Variants in VPS37A observed in about 807,000 individuals in gnomAD.
VPS37A encodes the protein vacuolar protein sorting-associated protein 37A.
Under a neutral mutation model 49.8 loss-of-function variants are expected in VPS37A, and 30 were observed. The ratio of observed to expected loss-of-function variants is 0.60; its 90% CI spans 0.45 to 0.82. VPS37A has a LOEUF of 0.82. Ranked by LOEUF, VPS37A falls within the 40% of genes least tolerant of loss-of-function variation. The pLI is 0.00. For synonymous variants in VPS37A, 195 were observed against 160.6 expected, an observed-to-expected ratio of 1.21 and a Z score of -1.62; for missense variants, 593 against 464.4, an observed-to-expected ratio of 1.28 and a Z score of -2.55.
the VPS37A span, among the ~76,000 whole-genome samples, chr8:17,322,287 G>A: frequency 5.9e-5 from 9 of 152,188 alleles, no homozygotes; most frequent in South Asian, 2.1e-4. Context: ...CTGTACGAGC[G>A]AAGTGTTTAG....
chr8:17,303,235 CCAACTGGTCATATCTCAA>C (rs1431898747), downstream of VPS37A, among the ~76,000 whole-genome samples: 3 of 152,124 alleles, frequency 2.0e-5, no homozygotes, highest in Non-Finnish European at 4.4e-5. Context: ...TAGTTGCAAT[CCAACTGGTCATATCTCAA>C]CAGCTCTTAA....
At chr8:17,267,312 G>C (rs1813560431) in intron 2 of VPS37A, among the ~76,000 whole-genome samples, 1 of 152,132 alleles carries the variant, frequency 6.6e-6, no homozygotes, top group Non-Finnish European at 1.5e-5. Context: ...ATAGTTGTCT[G>C]AACCATCAGG....
chr8:17,284,693 G>T, intron 10 of VPS37A, 77 bp downstream of exon 10: 1 of 1,458,960 alleles, frequency 6.9e-7, no homozygotes, highest in Non-Finnish European at 9.2e-7. Flanking sequence ...AGCACTGGGT[G>T]TTAGCTATTT....
intron 1 of VPS37A, among the ~76,000 whole-genome samples, chr8:17,251,601 G>C (rs992521382): frequency 6.6e-6 from 1 of 152,094 alleles, no homozygotes; most frequent in Non-Finnish European, 1.5e-5. Context: ...AACTACTTCT[G>C]ACTTTCCATT....
the VPS37A span, among the ~76,000 whole-genome samples, chr8:17,314,145 T>C: frequency 6.6e-6 from 1 of 152,192 alleles, no homozygotes; most frequent in Non-Finnish European, 1.5e-5. Flanking sequence ...ACGTAAAGCA[T>C]TAAAAAGCTT....
At chr8:17,254,398 G>A (rs879682811) in intron 1 of VPS37A, among the ~76,000 whole-genome samples, 2 of 152,152 alleles carry the variant, frequency 1.3e-5, no homozygotes, top group Non-Finnish European at 2.9e-5. Flanking sequence ...CCAGCAACAA[G>A]CTGGAAACAA....
At chr8:17,298,818 A>G (rs1449076769), downstream of VPS37A, 1 of 152,510 alleles carries the variant, frequency 6.6e-6, no homozygotes, top group Admixed American at 6.5e-5. Flanking sequence ...GTGTAACAAA[A>G]CAAAAATTCT....
intron 4 of VPS37A, chr8:17,271,853 T>C: frequency 2.5e-6 from 1 of 397,164 alleles, no homozygotes; most frequent in South Asian, 1.9e-5. Flanking sequence ...GGTTTGAACT[T>C]TGCTTTTAGA....
Position 17,247,252 on chromosome 8 carries a change from G to A in VPS37A, c.8G>A (p.Trp3Ter), listed in dbSNP as rs747639789. Residue 3 changes from tryptophan (W) to a stop codon, truncating the protein, a stop_gained, in exon 1 of 12, where the codon TGG (tryptophan) becomes TAG (stop). Transcript: ENST00000324849. LOFTEE classifies it high-confidence loss of function. ...CCCGTGGACCCGAGGAGGATGAGCTGGCTTTTTCCCCTGACCAAGAGCGCC... is the reference window on the plus strand; with the variant it reads ...CCCGTGGACCCGAGGAGGATGAGCTAGCTTTTTCCCCTGACCAAGAGCGCC... The part of the protein sequence containing the change: MS[W>*]LFPLTKSASS... 2 of 1,571,096 alleles carry A rather than the reference G, an allele frequency of 1.3e-6. No individual in the cohort carries two copies. Among genetic ancestry groups the A allele is most frequent in the South Asian group, 2.3e-5 (2 of 85,480 alleles).
intron 4 of VPS37A, among the ~76,000 whole-genome samples, chr8:17,269,305 C>T (rs1319976794): frequency 1.3e-5 from 2 of 151,996 alleles, no homozygotes; most frequent in Non-Finnish European, 2.9e-5. Flanking sequence ...AATATTATTC[C>T]ATATTTGGTG....
At chr8:17,325,950 C>G in the VPS37A span, among the ~76,000 whole-genome samples, 1 of 152,184 alleles carries the variant, frequency 6.6e-6, no homozygotes, top group Non-Finnish European at 1.5e-5. Context: ...AGAAAGCATA[C>G]CCACCTTACA....
At chr8:17,308,766 C>A in the VPS37A span, among the ~76,000 whole-genome samples, 8 of 152,124 alleles carry the variant, frequency 5.3e-5, no homozygotes, top group African/African-American at 1.9e-4. Flanking sequence ...GCCCAGACGT[C>A]CAAGGCCAGA....
intron 4 of VPS37A, among the ~76,000 whole-genome samples, chr8:17,269,997 G>C (rs1191475485): frequency 6.6e-6 from 1 of 152,128 alleles, no homozygotes; most frequent in Non-Finnish European, 1.5e-5. Context: ...CCCGGTAGAA[G>C]GTAAAGCGGG....
At chr8:17,302,951 TCCAC>T (rs1292359780), downstream of VPS37A, among the ~76,000 whole-genome samples, 1 of 151,946 alleles carries the variant, frequency 6.6e-6, no homozygotes, top group Admixed American at 6.6e-5. Context: ...CCTCAGGTGA[TCCAC>T]CCACCTCAGC....
chr8:17,315,654 G>C, the VPS37A span, among the ~76,000 whole-genome samples: 1 of 151,988 alleles, frequency 6.6e-6, no homozygotes, highest in Admixed American at 6.6e-5. Flanking sequence ...TTAAAAACAT[G>C]ATAATGTAAC....
At chr8:17,254,110 A>ATT (rs201456541) in intron 1 of VPS37A, among the ~76,000 whole-genome samples, 1 of 151,204 alleles carries the variant, frequency 6.6e-6, no homozygotes, top group Non-Finnish European at 1.5e-5. Context: ...AGTTTGCGTG[A>ATT]TTTTTTTTTA....
chr8:17,287,477 A>G (rs898568359), intron 11 of VPS37A, among the ~76,000 whole-genome samples: 3 of 152,112 alleles, frequency 2.0e-5, no homozygotes, highest in Admixed American at 1.3e-4. Flanking sequence ...GATCGAGACC[A>G]TTCTGGCTAA....
At chr8:17,285,940 C>G (rs1815546424) in intron 10 of VPS37A, among the ~76,000 whole-genome samples, 1 of 152,148 alleles carries the variant, frequency 6.6e-6, no homozygotes, top group Non-Finnish European at 1.5e-5. Context: ...AAATTCTTAG[C>G]TGTCGTCAAC....
chr8:17,300,985 T>C (rs1487677828), downstream of VPS37A, among the ~76,000 whole-genome samples: 1 of 152,228 alleles, frequency 6.6e-6, no homozygotes, highest in East Asian at 1.9e-4. Flanking sequence ...AGTATTCCAT[T>C]ACATGGATAT....
Sources: allele counts gnomAD v4.1 joint callset (sites outside exome capture counted in the v4.1 genomes callset), GRCh38; gene constraint gnomAD v4.1.1; transcripts MANE v1.5; gene names NCBI Gene and HGNC (gene_info 2026-07-23, HGNC 2026-07-21).